Variants in SMC3 observed in about 807,000 individuals in gnomAD.
The protein encoded by SMC3 is structural maintenance of chromosomes 3.
Under a neutral mutation model 171.8 loss-of-function variants are expected in SMC3, and 20 were observed. The ratio of observed to expected loss-of-function variants is 0.12; its 90% CI spans 0.08 to 0.17. The LOEUF (loss-of-function observed/expected upper bound fraction) is 0.17. Ranked by LOEUF, SMC3 falls within the 10% of genes least tolerant of loss-of-function variation. SMC3 has a pLI of 1.00. For synonymous variants in SMC3, 464 were observed against 451.1 expected, an observed-to-expected ratio of 1.03 and a Z score of -0.36; for missense variants, 543 against 1,420.4, an observed-to-expected ratio of 0.38 and a Z score of 9.93.
Position 110,577,462 on chromosome 10 carries a change from T to A in SMC3, c.240T>A (p.Ile80=). The A allele has an allele frequency of 6.2e-7, 1 of 1,612,916 alleles. No individual in the cohort carries two copies. The highest frequency in any genetic ancestry group is 8.5e-7 in the Non-Finnish European group (1 of 1,179,080). ...GPRVISAFVE[I]IFDNSDNRLP... is the part of the protein sequence containing the mutation. Reference sequence around the variant, plus strand: ...GTGTTATTTCTGCTTTTGTGGAGATTATTTTTGATAATTCAGACAACCGGT... The same window carrying A: ...GTGTTATTTCTGCTTTTGTGGAGATAATTTTTGATAATTCAGACAACCGGT... Residue 80 remains isoleucine, a synonymous_variant, in exon 5 of 29, where the codon ATT becomes ATA. Coordinates refer to ENST00000361804, the MANE Select transcript of SMC3 (RefSeq NM_005445.4).
chr10:110,593,430 G>T (rs1861239324), intron 18 of SMC3, among the ~76,000 whole-genome samples: 1 of 152,068 alleles, frequency 6.6e-6, no homozygotes, highest in Non-Finnish European at 1.5e-5. Context: ...AGATTAGCTG[G>T]GTGTGGTGGT....
chr10:110,589,664 T>C lies in SMC3; in HGVS notation c.1365T>C (p.Tyr455=), dbSNP rs75323904. The part of the protein sequence containing the change: ...KARVEELDRK[Y]YEVKNKKDEL... ...GAGTAGAAGAACTGGACAGAAAATA[T>C]TACGAAGTAAAAAATAAGAAAGATG... The change falls in exon 14 of 29, where the codon TAT becomes TAC. Residue 455 remains tyrosine, a synonymous_variant. Transcript: ENST00000361804. 73,448 of 1,609,758 alleles carry C rather than the reference T, an allele frequency of 0.046. 2,000 individuals are homozygous for C. The highest frequency in any genetic ancestry group is 0.11 in the African/African-American group (8,063 of 74,872).
intron 18 of SMC3, 129 bp from the exon 19 acceptor site, chr10:110,596,269 C>G (rs1861298955): frequency 2.8e-6 from 2 of 704,440 alleles, no homozygotes; most frequent in South Asian, 2.9e-5. Flanking sequence ...AAAATTTTTT[C>G]AGGGTGGTTT....
At chr10:110,594,909 G>A (rs1452571351) in intron 18 of SMC3, among the ~76,000 whole-genome samples, 1 of 151,794 alleles carries the variant, frequency 6.6e-6, no homozygotes, top group African/African-American at 2.4e-5. Flanking sequence ...CCTCTAAAAA[G>A]TATCCATATT....
In SMC3 at chr10:110,601,632, C is replaced by A; in HGVS notation, c.2645-5C>A. The A allele has an allele frequency of 6.2e-7, 1 of 1,610,618 alleles. No homozygotes were observed. The highest frequency in any genetic ancestry group is 8.5e-7 in the Non-Finnish European group (1 of 1,179,586). Reference sequence around the variant, plus strand: ...ATAGCCTAATTTTGTTTCCCCCCATCTTAGATTTGGACAATTCCATTGATA... The same window carrying A: ...ATAGCCTAATTTTGTTTCCCCCCATATTAGATTTGGACAATTCCATTGATA... On this transcript the variant is annotated splice_region_variant and splice_polypyrimidine_tract_variant and intron_variant, in intron 23 of 28. Coordinates refer to ENST00000361804, the MANE Select transcript of SMC3 (RefSeq NM_005445.4).
At chr10:110,571,548 C>T (rs28699988) in intron 2 of SMC3, among the ~76,000 whole-genome samples, 91 of 152,266 alleles carry the variant, frequency 6.0e-4, no homozygotes, top group African/African-American at 1.4e-3. Context: ...AACTAACACC[C>T]GGAAGTAGTC....
At chr10:110,581,415 C>T (rs1861028060) in intron 8 of SMC3, among the ~76,000 whole-genome samples, 1 of 152,062 alleles carries the variant, frequency 6.6e-6, no homozygotes, top group Non-Finnish European at 1.5e-5. Context: ...GACAGGGTTT[C>T]ACCATGTTGT....
At chr10:110,586,337 G>A (rs905112924) in intron 13 of SMC3, among the ~76,000 whole-genome samples, 1 of 152,272 alleles carries the variant, frequency 6.6e-6, no homozygotes, top group East Asian at 1.9e-4. Flanking sequence ...TCGTGCTGTG[G>A]GTTTTAGTTG....
intron 16 of SMC3, 80 bp downstream of exon 16, chr10:110,590,652 A>G: frequency 1.7e-6 from 2 of 1,209,474 alleles, no homozygotes; most frequent in Non-Finnish European, 2.4e-6. Flanking sequence ...GTTTTTGTAC[A>G]ACATATCTTC....
intron 2 of SMC3, among the ~76,000 whole-genome samples, chr10:110,571,029 T>TA (rs1172360694): frequency 6.6e-6 from 1 of 152,234 alleles, no homozygotes; most frequent in African/African-American, 2.4e-5. Flanking sequence ...GCATCAAACA[T>TA]ATACGTTTTT....
At chr10:110,589,476 A>G (rs1861175376) in intron 13 of SMC3, 129 bp from the exon 14 acceptor site, 3 of 668,278 alleles carry the variant, frequency 4.5e-6, no homozygotes, top group East Asian at 5.4e-5. Flanking sequence ...AGCGTTTTCC[A>G]TACCCCTTTG....
chr10:110,586,271 A>T (rs1348970561), intron 13 of SMC3, among the ~76,000 whole-genome samples: 2 of 152,250 alleles, frequency 1.3e-5, no homozygotes, highest in African/African-American at 2.4e-5. Context: ...CTGTAGGCAT[A>T]AACAATAGGT....
rs1861036901 is a variant in SMC3, at chr10:110,581,909, C to G, written c.548-14C>G. The G allele has an allele frequency of 6.2e-7, 1 of 1,606,382 alleles. No homozygotes were observed. The highest frequency in any genetic ancestry group is 8.5e-7 in the Non-Finnish European group (1 of 1,173,888). ...TTATTCAATTCTTCCACCTCTCTCC[C>G]CATTTCTTTTAAGAGGGCAAACGGG... On this transcript the variant is annotated splice_polypyrimidine_tract_variant and intron_variant, in intron 8 of 28. Coordinates refer to ENST00000361804, the MANE Select transcript of SMC3 (RefSeq NM_005445.4).
chr10:110,583,363 C>T, intron 10 of SMC3, 21 bp from the exon 11 acceptor site: 1 of 1,601,024 alleles, frequency 6.2e-7, no homozygotes. Context: ...GCCTTATTTT[C>T]TGTTTAATAC....
chr10:110,584,504 A>T, intron 13 of SMC3, 108 bp downstream of exon 13: 1 of 752,508 alleles, frequency 1.3e-6, no homozygotes, highest in South Asian at 1.6e-5. Context: ...GTTGCTCTTA[A>T]AATATATGAC....
Position 110,591,122 on chromosome 10 carries a change from C to A in SMC3, c.1802C>A (p.Pro601His). The change falls in exon 17 of 29, where the codon CCT (proline) becomes CAT (histidine). Residue 601 changes from proline to histidine, a missense_variant. By Grantham distance (77) the Pro-to-His change is moderately conservative. This residue lies in a region of SMC3 where 218 missense variants were observed against 509.6 expected (regional missense o/e 0.43). Transcript: ENST00000361804. ...TTAGATGTCAGGGATACAGCCTATC[C>A]TGAAACCAATGTGAGTCATTGTGTG... ...NKLDVRDTAYPETNDAIPMIS... is the reference protein window; with the variant it reads ...NKLDVRDTAYHETNDAIPMIS... The A allele has an allele frequency of 6.2e-7, 1 of 1,613,672 alleles. No individual in the cohort carries two copies. Among genetic ancestry groups the A allele is most frequent in the Non-Finnish European group, 8.5e-7 (1 of 1,179,786 alleles).
intron 11 of SMC3, 142 bp from the exon 12 acceptor site, chr10:110,583,699 G>A (rs1861065383): frequency 8.5e-7 from 1 of 1,178,418 alleles, no homozygotes; most frequent in South Asian, 1.3e-5. Context: ...ACTTGGTACT[G>A]TCCCTTTGTT....
chr10:110,595,859 T>A (rs1325219752), intron 18 of SMC3, among the ~76,000 whole-genome samples: 1 of 151,746 alleles, frequency 6.6e-6, no homozygotes, highest in Non-Finnish European at 1.5e-5. Flanking sequence ...TACTAATATT[T>A]CCTCTTTAGT....
rs1861200471 is a variant in SMC3 at position 110,591,248 on chromosome 10, A to G, written c.1812+116A>G. 2.9e-6 allele frequency: 3 copies of G among 1,042,392 alleles called. No homozygotes were observed. In the Admixed American group the frequency reaches 6.3e-5, roughly 22 times the overall value. The allele number at this position is 1,042,392 out of a possible 1,614,324, so 64.6% of individuals were successfully genotyped here. A position where few individuals can be genotyped will look rare whatever the true frequency, so the allele number is the denominator to read the frequency against. ...ACTGGGATTCAGTGGTGTATGAGAT[A>G]AAAATATCTGTCTTCCCATGGACCT... On this transcript the variant is annotated intron_variant, in intron 17 of 28. Transcript: ENST00000361804.
Sources: allele counts gnomAD v4.1 joint callset (sites outside exome capture counted in the v4.1 genomes callset), GRCh38; gene constraint gnomAD v4.1.1; regional missense constraint gnomAD v4.1.1; transcripts MANE v1.5; gene names NCBI Gene and HGNC (gene_info 2026-07-23, HGNC 2026-07-21).